The following RABGAP1L variants were observed in gnomAD, a reference collection of about 807,000 sequenced individuals.
The protein encoded by RABGAP1L is RAB GTPase activating protein 1 like, also known as rab GTPase-activating protein 1-like.
Under a neutral mutation model 137.7 loss-of-function variants are expected in RABGAP1L, and 63 were observed. The observed-to-expected ratio is 0.46, with a 90% CI of 0.37 to 0.56. The LOEUF (loss-of-function observed/expected upper bound fraction) is 0.56. Ranked by LOEUF, RABGAP1L falls within the 20% of genes least tolerant of loss-of-function variation. RABGAP1L has a pLI of 0.00. For missense variants in RABGAP1L, 1,095 were observed against 1,244.0 expected (o/e 0.88, Z 1.80); for synonymous variants, 431 against 433.7 (o/e 0.99, Z 0.08).
intron 18 of RABGAP1L, among the ~76,000 whole-genome samples, chr1:174,753,788 TAAAG>T (rs946205080): frequency 6.6e-6 from 1 of 152,160 alleles, no homozygotes; most frequent in African/African-American, 2.4e-5. Context: ...TATTAAAACA[TAAAG>T]TAAGTATAAG....
rs1672191419 is a variant in RABGAP1L, at chr1:174,993,549, TAG to T, written c.*3551_*3552del. On this transcript the variant is annotated 3_prime_UTR_variant, in exon 26 of 26. Coordinates refer to ENST00000681986, the MANE Select transcript of RABGAP1L (RefSeq NM_001366446.1). ...ACAATACAGATTTGGGCAGAGGAGA[TAG>T]AGTTACATCTTTAAAGGAGTGAGCC... 1 of 152,216 alleles carries T rather than the reference TAG, an allele frequency of 6.6e-6. No individual in the cohort carries two copies. The highest frequency in any genetic ancestry group is 2.4e-5 in the African/African-American group (1 of 41,458). The allele number at this position is 152,216 out of a possible 1,614,324, so 9.4% of individuals were successfully genotyped here. A position where few individuals can be genotyped will look rare whatever the true frequency, so the allele number is the denominator to read the frequency against.
At chr1:174,780,721 C>A (rs1372461779) in intron 18 of RABGAP1L, among the ~76,000 whole-genome samples, 18 of 116,252 alleles carry the variant, frequency 1.5e-4, no homozygotes, top group South Asian at 3.6e-4. Flanking sequence ...CTCCCCCCCA[C>A]CCCCCCACCC....
intron 13 of RABGAP1L, among the ~76,000 whole-genome samples, chr1:174,613,315 C>T (rs1018601204): frequency 6.6e-6 from 1 of 152,036 alleles, no homozygotes; most frequent in African/African-American, 2.4e-5. Context: ...TTGTTATGTA[C>T]CCAGTAGTCA....
chr1:174,293,023 A>G (rs894813636), intron 10 of RABGAP1L, among the ~76,000 whole-genome samples: 12 of 152,184 alleles, frequency 7.9e-5, no homozygotes, highest in African/African-American at 2.7e-4. Flanking sequence ...TGGACCAGGA[A>G]TTGAATCTAA....
intron 13 of RABGAP1L, among the ~76,000 whole-genome samples, chr1:174,498,665 T>A (rs1327331006): frequency 6.3e-5 from 7 of 110,642 alleles, no homozygotes; most frequent in East Asian, 3.5e-4. Flanking sequence ...CCCGGCTAAA[T>A]TTTTTTTTTT....
chr1:174,583,345 A>C (rs1428165779), intron 13 of RABGAP1L, among the ~76,000 whole-genome samples: 1 of 152,090 alleles, frequency 6.6e-6, no homozygotes, highest in Non-Finnish European at 1.5e-5. Context: ...TTTCCTGCCC[A>C]TCTGCATCTC....
intron 10 of RABGAP1L, among the ~76,000 whole-genome samples, chr1:174,301,392 A>G (rs1470095411): frequency 8.2e-5 from 12 of 145,824 alleles, no homozygotes; most frequent in South Asian, 2.2e-4. Flanking sequence ...TGTGTTAACC[A>G]CTCTTTCAGC....
At chr1:174,485,938 G>A (rs1659579003) in intron 13 of RABGAP1L, among the ~76,000 whole-genome samples, 1 of 152,024 alleles carries the variant, frequency 6.6e-6, no homozygotes, top group Admixed American at 6.6e-5. Context: ...TAAATGTTTG[G>A]TAGAAATCAG....
At position 174,500,898 on chromosome 1, in the gene RABGAP1L, T is replaced by TCA. The variant is rs1661198365; in HGVS notation, c.1710+106754_1710+106755dup. Among the ~76,000 whole-genome samples, 7 of 152,298 alleles carry TCA rather than the reference T, an allele frequency of 4.6e-5. No homozygotes were observed. The South Asian group carries it at 1.4e-3, about 32-fold the overall frequency. ...TTGATAATTAAATGGGAGTGATGAA[T>TCA]CATTGAGACTGTCTTTTTACCTGCC... On this transcript the variant is annotated intron_variant, in intron 13 of 25. Coordinates refer to ENST00000681986, the MANE Select transcript of RABGAP1L (RefSeq NM_001366446.1).
Position 174,833,466 on chromosome 1 carries a change from A to ATATATATATATATATATATATATATAT in RABGAP1L, c.2340+21508_2340+21509insTATATATATATATATATATATATATTA, listed in dbSNP as rs71117580. 6.0e-3 allele frequency among the ~76,000 whole-genome samples: 368 copies of ATATATATATATATATATATATATATAT among 61,098 alleles called. 61 individuals carry two copies. Among genetic ancestry groups the ATATATATATATATATATATATATATAT allele is most frequent in the Non-Finnish European group, 7.2e-3 (177 of 24,626 alleles). The allele number at this position is 61,098 out of a possible 152,430, so 40.1% of individuals were successfully genotyped here. ...TGTGTAGAGATATATATATATATAT[A>ATATATATATATATATATATATATATAT]TAGTAGAGACAGGGTTCTGTCATGT... On this transcript the variant is annotated intron_variant, in intron 19 of 25. Transcript: ENST00000681986.
At chr1:174,670,325 A>G (rs1002659259) in intron 14 of RABGAP1L, among the ~76,000 whole-genome samples, 12 of 152,136 alleles carry the variant, frequency 7.9e-5, no homozygotes, top group African/African-American at 2.7e-4. Context: ...TGGGCATGCA[A>G]TATGAAATAA....
At chr1:174,300,467 T>G (rs1365528800) in intron 10 of RABGAP1L, among the ~76,000 whole-genome samples, 1 of 143,414 alleles carries the variant, frequency 7.0e-6, no homozygotes, top group African/African-American at 2.7e-5. Flanking sequence ...GGGTGGAGGT[T>G]GCAGTGAGCC....
At chr1:174,288,852 C>T (rs886612755) in intron 10 of RABGAP1L, among the ~76,000 whole-genome samples, 3 of 152,002 alleles carry the variant, frequency 2.0e-5, no homozygotes, top group Admixed American at 6.6e-5. Context: ...TTGTTTTGCT[C>T]GATGGTGTTC....
At chr1:174,539,907 C>A (rs1169396221) in intron 13 of RABGAP1L, among the ~76,000 whole-genome samples, 1 of 152,176 alleles carries the variant, frequency 6.6e-6, no homozygotes, top group Non-Finnish European at 1.5e-5. Flanking sequence ...ATAGTCCCAC[C>A]AACAGTATAA....
chr1:174,378,224 T>G (rs1031447217), intron 12 of RABGAP1L, among the ~76,000 whole-genome samples: 11 of 151,222 alleles, frequency 7.3e-5, no homozygotes. Flanking sequence ...TTTGCTATTG[T>G]GAATAATGCC....
At chr1:174,690,062 CCT>C (rs1051815696) in intron 15 of RABGAP1L, among the ~76,000 whole-genome samples, 1 of 152,166 alleles carries the variant, frequency 6.6e-6, no homozygotes, top group African/African-American at 2.4e-5. Flanking sequence ...CCAACATCTC[CCT>C]GTGTCCTAAT....
chr1:174,718,003 T>G (rs1435770454), intron 17 of RABGAP1L, among the ~76,000 whole-genome samples: 1 of 152,228 alleles, frequency 6.6e-6, no homozygotes, highest in Non-Finnish European at 1.5e-5. Flanking sequence ...TGCTGCTTCC[T>G]GTCCCAGTTG....
chr1:174,464,558 T>G (rs1054698902), intron 13 of RABGAP1L, among the ~76,000 whole-genome samples: 3 of 152,194 alleles, frequency 2.0e-5, no homozygotes, highest in African/African-American at 7.2e-5. Flanking sequence ...CATCTCTTTT[T>G]TTGTTGTTGT....
At chr1:174,970,929 C>G (rs1670078170) in intron 21 of RABGAP1L, among the ~76,000 whole-genome samples, 1 of 148,208 alleles carries the variant, frequency 6.7e-6, no homozygotes, top group African/African-American at 2.5e-5. Flanking sequence ...TTAAAAAATA[C>G]TTTTTTTTTT....
Sources: gnomAD v4.1 joint callset for allele counts (sites outside exome capture counted in the v4.1 genomes callset) on GRCh38, gnomAD v4.1.1 for gene constraint, MANE v1.5 for transcripts, NCBI Gene and HGNC (gene_info 2026-07-23, HGNC 2026-07-21) for gene names.